The following PCDH15 variants were observed in gnomAD, a reference collection of about 807,000 sequenced individuals.
The protein encoded by PCDH15 is protocadherin related 15, also known as protocadherin-15.
In PCDH15, 129 loss-of-function variants were observed where a neutral mutation model predicts 178.5. The observed-to-expected ratio is 0.72, with a 90% CI of 0.63 to 0.84. The LOEUF (loss-of-function observed/expected upper bound fraction) is 0.84. Ranked by LOEUF, PCDH15 falls within the 40% of genes least tolerant of loss-of-function variation. The pLI, the probability that PCDH15 is intolerant of heterozygous loss-of-function variation, is 0.00. For missense variants in PCDH15, 2,230 were observed against 2,099.9 expected, an observed-to-expected ratio of 1.06 and a Z score of -1.21; for synonymous variants, 800 against 732.0, an observed-to-expected ratio of 1.09 and a Z score of -1.50.
chr10:55,312,200 G>A (rs1369725173), intron 1 of PCDH15, among the ~76,000 whole-genome samples: 2 of 151,976 alleles, frequency 1.3e-5, no homozygotes, highest in African/African-American at 2.4e-5. Context: ...GAAAAAAGCC[G>A]AAGAAAGCTA....
chr10:55,366,917 GTT>G (rs1302790350), intron 2 of PCDH15, among the ~76,000 whole-genome samples: 29 of 117,710 alleles, frequency 2.5e-4, no homozygotes, highest in African/African-American at 9.9e-4. Flanking sequence ...TGTTTCATTT[GTT>G]TGCGTGTGTG....
chr10:54,823,221 A>ACACACACG lies in PCDH15; in HGVS notation c.-29+74228_-29+74229insCGTGTGTG, dbSNP rs1554802973. ...CACCAGCATAAACACACACACACAC[A>ACACACACG]CACACGCACACGCACACGCACACGC... On this transcript the variant is annotated intron_variant, in intron 3 of 5. Coordinates refer to the PCDH15 transcript ENST00000458638. Among the ~76,000 whole-genome samples, 296 of 151,418 alleles carry ACACACACG rather than the reference A, an allele frequency of 2.0e-3. 1 individual carries two copies. The highest frequency in any genetic ancestry group is 4.3e-3 in the African/African-American group (178 of 41,294).
intron 2 of PCDH15, among the ~76,000 whole-genome samples, chr10:55,157,828 A>G (rs1017587924): frequency 1.3e-5 from 2 of 151,942 alleles, no homozygotes; most frequent in South Asian, 2.1e-4. Flanking sequence ...GGGGGGAGGG[A>G]TAGCATTAGG....
intron 9 of PCDH15, among the ~76,000 whole-genome samples, chr10:54,221,950 G>C (rs1454370886): frequency 6.6e-6 from 1 of 152,062 alleles, no homozygotes; most frequent in East Asian, 1.9e-4. Flanking sequence ...CTTTCAATTA[G>C]CATAATGATT....
intron 15 of PCDH15, among the ~76,000 whole-genome samples, chr10:54,122,721 A>G (rs1186586924): frequency 2.0e-5 from 3 of 152,168 alleles, no homozygotes; most frequent in African/African-American, 7.2e-5. Flanking sequence ...CAATCAATGA[A>G]CAAAAATCTG....
At chr10:53,986,021 T>A (rs952625623) in intron 21 of PCDH15, among the ~76,000 whole-genome samples, 4 of 152,204 alleles carry the variant, frequency 2.6e-5, no homozygotes, top group Non-Finnish European at 4.4e-5. Context: ...ATGAAATATA[T>A]TCTTTAAACA....
intron 21 of PCDH15, among the ~76,000 whole-genome samples, chr10:53,970,495 A>G (rs550676534): frequency 7.3e-6 from 1 of 136,704 alleles, no homozygotes; most frequent in South Asian, 2.3e-4. Flanking sequence ...CAATGAATCC[A>G]GGAGCTGTTT....
chr10:55,181,663 C>T (rs1047738618), intron 1 of PCDH15, among the ~76,000 whole-genome samples: 3 of 151,952 alleles, frequency 2.0e-5, no homozygotes, highest in African/African-American at 4.8e-5. Context: ...GAGGACCCTA[C>T]ACCAATTCAA....
intron 2 of PCDH15, among the ~76,000 whole-genome samples, chr10:55,466,511 G>T (rs1839834203): frequency 6.6e-6 from 1 of 152,122 alleles, no homozygotes; most frequent in East Asian, 1.9e-4. Flanking sequence ...AAAAACATAT[G>T]AAGTGGTAAC....
chr10:53,885,778 C>CTCAGTG (rs2081051073), intron 26 of PCDH15, among the ~76,000 whole-genome samples: 1 of 152,010 alleles, frequency 6.6e-6, no homozygotes, highest in African/African-American at 2.4e-5. Context: ...TTGAGTATTC[C>CTCAGTG]TCAGTGGAAT....
intron 8 of PCDH15, among the ~76,000 whole-genome samples, chr10:54,307,028 ATGTGTGTGTGTG>A (rs1218411712): frequency 0.068 from 2,089 of 30,620 alleles, 294 homozygotes; most frequent in Middle Eastern, 0.1. Flanking sequence ...ATATATATAT[ATGTGTGTGTGTG>A]TATATATATA....
At chr10:54,634,426 GAAT>G (rs1409589778) in intron 2 of PCDH15, among the ~76,000 whole-genome samples, 2 of 151,930 alleles carry the variant, frequency 1.3e-5, no homozygotes, top group African/African-American at 4.8e-5. Context: ...TAGAAAAACT[GAAT>G]AATATTTTAT....
chr10:53,924,593 C>T (rs771342938), intron 25 of PCDH15, among the ~76,000 whole-genome samples: 14 of 152,256 alleles, frequency 9.2e-5, no homozygotes, highest in Middle Eastern at 3.4e-3. Flanking sequence ...CGGGCAGCTC[C>T]GCCTGCGGCC....
intron 2 of PCDH15, among the ~76,000 whole-genome samples, chr10:55,549,751 A>G (rs1481052694): frequency 6.6e-6 from 1 of 152,162 alleles, no homozygotes; most frequent in Non-Finnish European, 1.5e-5. Flanking sequence ...AAACAGATTG[A>G]GTAGGGACTT....
intron 3 of PCDH15, among the ~76,000 whole-genome samples, chr10:54,446,606 A>G (rs2076154774): frequency 6.6e-6 from 1 of 151,582 alleles, no homozygotes; most frequent in African/African-American, 2.4e-5. Flanking sequence ...TATATATTTA[A>G]GATGTACCAC....
chr10:54,413,470 A>G (rs1009658255), intron 3 of PCDH15, among the ~76,000 whole-genome samples: 3 of 152,188 alleles, frequency 2.0e-5, no homozygotes, highest in Non-Finnish European at 4.4e-5. Context: ...TATGTACACT[A>G]CTATTTCAAA....
intron 28 of PCDH15, among the ~76,000 whole-genome samples, chr10:53,840,778 G>C (rs924701994): frequency 6.6e-6 from 1 of 152,096 alleles, no homozygotes; most frequent in Non-Finnish European, 1.5e-5. Flanking sequence ...TTTTACATGA[G>C]AAATGCCAAA....
intron 2 of PCDH15, among the ~76,000 whole-genome samples, chr10:54,975,767 T>C (rs1455453579): frequency 1.3e-5 from 2 of 152,096 alleles, no homozygotes; most frequent in African/African-American, 4.8e-5. Context: ...AAGTTTAGTA[T>C]GGCCGGGAAA....
In PCDH15 at chr10:54,300,753, T is replaced by C. The variant is rs185003530; in HGVS notation, c.876+16518A>G. 2.6e-3 allele frequency among the ~76,000 whole-genome samples: 392 copies of C among 152,090 alleles called. 1 individual carries two copies. Among genetic ancestry groups the C allele is most frequent in the African/African-American group, 7.1e-3 (294 of 41,482 alleles). Reference sequence around the variant, plus strand: ...GATTGTAAACACACCAATCAGCACTTGGTAAAATCGCACCAATCAGCACTC... The same window carrying C: ...GATTGTAAACACACCAATCAGCACTCGGTAAAATCGCACCAATCAGCACTC... On this transcript the variant is annotated intron_variant, in intron 8 of 37. Coordinates refer to ENST00000644397, the MANE Select transcript of PCDH15 (RefSeq NM_001384140.1).
Sources: gnomAD v4.1 joint callset for allele counts (sites outside exome capture counted in the v4.1 genomes callset) on GRCh38, gnomAD v4.1.1 for gene constraint, MANE v1.5 for transcripts, NCBI Gene and HGNC (gene_info 2026-07-23, HGNC 2026-07-21) for gene names.